Variants in CTNNA2 observed in about 807,000 individuals in gnomAD.
The protein encoded by CTNNA2 is catenin alpha-2.
CTNNA2 carries 42 observed loss-of-function variants against 101.0 expected under a neutral mutation model. The ratio of observed to expected loss-of-function variants is 0.42; its 90% CI spans 0.32 to 0.54. The LOEUF is 0.54. Ranked by LOEUF, CTNNA2 falls within the 20% of genes least tolerant of loss-of-function variation. The pLI, the probability that CTNNA2 is intolerant of heterozygous loss-of-function variation, is 0.14. For synonymous variants in CTNNA2, 450 were observed against 456.4 expected, an observed-to-expected ratio of 0.99 and a Z score of 0.18; for missense variants, 871 against 1,223.1, an observed-to-expected ratio of 0.71 and a Z score of 4.29.
At chr2:80,544,498 G>A (rs1368413555) in intron 9 of CTNNA2, among the ~76,000 whole-genome samples, 1 of 152,022 alleles carries the variant, frequency 6.6e-6, no homozygotes, top group Non-Finnish European at 1.5e-5. Flanking sequence ...GGCTATTAGT[G>A]GACTAAAATT....
intron 2 of CTNNA2, among the ~76,000 whole-genome samples, chr2:79,742,010 A>G (rs928888835): frequency 3.9e-5 from 6 of 152,076 alleles, no homozygotes; most frequent in African/African-American, 1.4e-4. Flanking sequence ...CCATGAGTAC[A>G]TGAGAGCTTT....
At chr2:80,400,731 C>T (rs1253759434) in intron 8 of CTNNA2, among the ~76,000 whole-genome samples, 1 of 152,128 alleles carries the variant, frequency 6.6e-6, no homozygotes. Context: ...TCATTCAATC[C>T]AATTGATACC....
chr2:80,058,600 A>G (rs1572964630), intron 7 of CTNNA2, among the ~76,000 whole-genome samples: 1 of 152,308 alleles, frequency 6.6e-6, no homozygotes, highest in East Asian at 1.9e-4. Context: ...CCTACCTTTT[A>G]ACTACACACT....
chr2:80,541,773 C>G (rs77202340), intron 9 of CTNNA2, among the ~76,000 whole-genome samples: 1 of 151,978 alleles, frequency 6.6e-6, no homozygotes, highest in African/African-American at 2.4e-5. Flanking sequence ...GTCTCAACTC[C>G]AAACCACACT....
At chr2:80,204,750 C>T (rs938932319) in intron 7 of CTNNA2, among the ~76,000 whole-genome samples, 1 of 151,762 alleles carries the variant, frequency 6.6e-6, no homozygotes, top group Non-Finnish European at 1.5e-5. Context: ...CAGCGCCCCA[C>T]TCTACTGGTA....
intron 14 of CTNNA2, among the ~76,000 whole-genome samples, chr2:80,583,519 C>A (rs1365040245): frequency 2.0e-5 from 3 of 152,110 alleles, no homozygotes; most frequent in Non-Finnish European, 2.9e-5. Flanking sequence ...TGACAAAGGG[C>A]AATTTTGAGT....
At chr2:79,394,966 G>T (rs1237894752) in intron 4 of CTNNA2, among the ~76,000 whole-genome samples, 2 of 152,094 alleles carry the variant, frequency 1.3e-5, no homozygotes, top group African/African-American at 2.4e-5. Flanking sequence ...CTTTGGGTTT[G>T]TGCAAACCCA....
intron 1 of CTNNA2, among the ~76,000 whole-genome samples, chr2:79,536,454 C>T (rs1247422824): frequency 1.3e-5 from 2 of 152,070 alleles, no homozygotes; most frequent in Admixed American, 1.3e-4. Context: ...CTCCAGATAC[C>T]AGTAGTACAA....
intron 7 of CTNNA2, among the ~76,000 whole-genome samples, chr2:79,932,591 G>T (rs1272470091): frequency 6.6e-6 from 1 of 151,566 alleles, no homozygotes; most frequent in Non-Finnish European, 1.5e-5. Flanking sequence ...TAAGCTTGCT[G>T]TGTGTACACC....
chr2:79,323,517 T>A (rs1676672633), intron 3 of CTNNA2, among the ~76,000 whole-genome samples: 1 of 149,206 alleles, frequency 6.7e-6, no homozygotes, highest in African/African-American at 2.5e-5. Flanking sequence ...AACATCCATT[T>A]ATACTTTCTT....
In CTNNA2 at chr2:79,908,259, C is replaced by T. The variant is rs530949722; in HGVS notation, c.853-1335C>T. On this transcript the variant is annotated intron_variant, in intron 6 of 18. Transcript: ENST00000402739. ...TAACTACCTATTCTCATTTATGTTT[C>T]GTATTGTATTTGTAAATATGGTAAA... Among the ~76,000 whole-genome samples, 6 of 152,146 alleles carry T rather than the reference C, an allele frequency of 3.9e-5. No homozygotes were observed. The South Asian group carries it at 6.2e-4, about 16-fold the overall frequency.
intron 9 of CTNNA2, among the ~76,000 whole-genome samples, chr2:80,517,158 G>A (rs1689173260): frequency 6.6e-6 from 1 of 152,198 alleles, no homozygotes; most frequent in South Asian, 2.1e-4. Context: ...TTTGTTTTCT[G>A]CAAATGGGAG....
chr2:80,098,882 C>T (rs6547293), intron 7 of CTNNA2, among the ~76,000 whole-genome samples: 33,465 of 152,010 alleles, frequency 0.22, 4,484 homozygotes, highest in East Asian at 0.51. Context: ...GGAAGTAACC[C>T]GATTTTCCAG....
intron 2 of CTNNA2, among the ~76,000 whole-genome samples, chr2:79,311,408 CAAAAAA>C (rs753633073): frequency 7.5e-4 from 50 of 67,036 alleles, no homozygotes; most frequent in Non-Finnish European, 1.1e-3. Context: ...GACTCCGTCT[CAAAAAA>C]AAAAAAAAAA....
intron 6 of CTNNA2, among the ~76,000 whole-genome samples, chr2:79,878,458 C>T (rs1683186198): frequency 6.6e-6 from 1 of 152,198 alleles, no homozygotes; most frequent in Non-Finnish European, 1.5e-5. Flanking sequence ...ACCTGTTTCT[C>T]CACAGCCTTG....
intron 3 of CTNNA2, among the ~76,000 whole-genome samples, chr2:79,816,672 A>G (rs1677528488): frequency 6.6e-6 from 1 of 152,220 alleles, no homozygotes; most frequent in South Asian, 2.1e-4. Context: ...GGTTGACCAC[A>G]GGTAGCTCCA....
intron 4 of CTNNA2, among the ~76,000 whole-genome samples, chr2:79,433,834 T>C (rs1678681876): frequency 6.6e-6 from 1 of 152,184 alleles, no homozygotes; most frequent in Non-Finnish European, 1.5e-5. Flanking sequence ...GCAAGAGCTA[T>C]GACAATTCAT....
chr2:80,008,648 G>A (rs1441701201), intron 7 of CTNNA2, among the ~76,000 whole-genome samples: 2 of 152,176 alleles, frequency 1.3e-5, no homozygotes, highest in Admixed American at 6.5e-5. Context: ...CAGTCAGACT[G>A]CCTGGGTTTG....
chr2:80,350,593 A>T (rs1479696644), intron 7 of CTNNA2, among the ~76,000 whole-genome samples: 1 of 152,218 alleles, frequency 6.6e-6, no homozygotes, highest in Non-Finnish European at 1.5e-5. Flanking sequence ...TCTCCAAGTA[A>T]GACTAAGAGT....
Sources: gnomAD v4.1 joint callset for allele counts (sites outside exome capture counted in the v4.1 genomes callset) on GRCh38, gnomAD v4.1.1 for gene constraint, MANE v1.5 for transcripts, NCBI Gene and HGNC (gene_info 2026-07-23, HGNC 2026-07-21) for gene names.